Variants in NOL4L observed in about 807,000 individuals in gnomAD.
The protein encoded by NOL4L is nucleolar protein 4 like, also known as nucleolar protein 4-like.
Under a neutral mutation model 64.5 loss-of-function variants are expected in NOL4L, and 7 were observed. That is an observed-to-expected ratio of 0.11 (90% confidence interval 0.06 to 0.20). NOL4L has a LOEUF of 0.20. Among genes scored for constraint, NOL4L ranks in the 10% least tolerant of loss-of-function variants. NOL4L has a pLI of 1.00. For missense variants in NOL4L, 680 were observed against 967.1 expected (o/e 0.70, Z 3.94); for synonymous variants, 413 against 401.0 (o/e 1.03, Z -0.36).
In NOL4L at chr20:32,452,909, C is replaced by T. The variant is rs1460119422; in HGVS notation, c.1595G>A (p.Arg532His). 5.6e-6 allele frequency: 9 copies of T among 1,613,918 alleles called. No individual in the cohort carries two copies. Among genetic ancestry groups the T allele is most frequent in the Admixed American group, 1.7e-5 (1 of 60,002 alleles). Residue 532 changes from arginine (R) to histidine (H), a missense_variant, in exon 9 of 11, where the codon CGT becomes CAT. By Grantham distance (29) the Arg-to-His change is conservative. Coordinates refer to ENST00000621426, the MANE Select transcript of NOL4L (RefSeq NM_001256798.2). Reference sequence around the variant, plus strand: ...CTGTGAGGACTGGTAGATCTCTAGACGCATCCGCTTGGCTGCCTTTCTTGT... The same window carrying T: ...CTGTGAGGACTGGTAGATCTCTAGATGCATCCGCTTGGCTGCCTTTCTTGT... ...SETRKAAKRM[R>H]LEIYQSSQDE...
intron 4 of NOL4L, among the ~76,000 whole-genome samples, chr20:32,488,821 CTTTCTTTTTCTTTCTTTCTTTCTTTCTTT>C (rs2016286372): frequency 3.2e-5 from 1 of 31,128 alleles, no homozygotes; most frequent in Non-Finnish European, 5.6e-5. Flanking sequence ...TTCTTTCTTT[CTTTCTTTTTCTTTCTTTCTTTCTTTCTTT>C]CTTTCTTTCT....
At chr20:32,523,594 T>A (rs1213996888) in intron 2 of NOL4L, among the ~76,000 whole-genome samples, 5 of 152,174 alleles carry the variant, frequency 3.3e-5, no homozygotes, top group Non-Finnish European at 7.3e-5. Flanking sequence ...GTTTTAGATT[T>A]AAGCTGCAGA....
At chr20:32,567,651 C>T (rs533134172) in intron 1 of NOL4L, among the ~76,000 whole-genome samples, 6 of 152,340 alleles carry the variant, frequency 3.9e-5, no homozygotes, top group African/African-American at 1.2e-4. Context: ...GAGCGCACAT[C>T]TGGGTGCTGC....
intron 1 of NOL4L, among the ~76,000 whole-genome samples, chr20:32,575,150 C>T (rs750433462): frequency 1.5e-4 from 23 of 152,172 alleles, no homozygotes; most frequent in Non-Finnish European, 2.9e-4. Flanking sequence ...GCTCCCTCCA[C>T]GTGAGAACCC....
chr20:32,485,097 A>AAAAAAAAAAAAAAAAAAC, intron 4 of NOL4L, among the ~76,000 whole-genome samples: 1 of 149,996 alleles, frequency 6.7e-6, no homozygotes, highest in Non-Finnish European at 1.5e-5. Flanking sequence ...ACAACTAAAA[A>AAAAAAAAAAAAAAAAAAC]AAAACCCTGA....
intron 1 of NOL4L, among the ~76,000 whole-genome samples, chr20:32,550,872 G>A (rs1389194281): frequency 2.0e-5 from 3 of 149,762 alleles, no homozygotes; most frequent in African/African-American, 7.4e-5. Context: ...GACAGGGTGA[G>A]ACTCCATCTC....
intron 4 of NOL4L, among the ~76,000 whole-genome samples, chr20:32,484,439 A>C (rs1399775344): frequency 6.9e-6 from 1 of 144,228 alleles, no homozygotes; most frequent in Non-Finnish European, 1.5e-5. Context: ...CTCGCTCTTC[A>C]CTCTTCCTTT....
chr20:32,473,538 C>T (rs995379225), intron 5 of NOL4L, among the ~76,000 whole-genome samples: 1 of 152,212 alleles, frequency 6.6e-6, no homozygotes, highest in South Asian at 2.1e-4. Flanking sequence ...AGCCCCTGGC[C>T]CAGACACCTC....
At chr20:32,513,760 G>A (rs2017517821) in intron 3 of NOL4L, among the ~76,000 whole-genome samples, 1 of 152,130 alleles carries the variant, frequency 6.6e-6, no homozygotes, top group African/African-American at 2.4e-5. Context: ...AGCTACTCGG[G>A]AGGCTGAGGT....
intron 1 of NOL4L, among the ~76,000 whole-genome samples, chr20:32,543,692 A>G (rs181426486): frequency 1.3e-5 from 2 of 152,066 alleles, no homozygotes; most frequent in Non-Finnish European, 2.9e-5. Context: ...TGGGAGGCTG[A>G]GGCACAATAA....
intron 4 of NOL4L, among the ~76,000 whole-genome samples, chr20:32,478,828 T>C (rs981826876): frequency 1.3e-5 from 2 of 152,210 alleles, no homozygotes; most frequent in Non-Finnish European, 2.9e-5. Flanking sequence ...TGGGCTCAAG[T>C]GCCTTGGCCT....
rs150489354 is a variant in NOL4L at position 32,453,712 on chromosome 20, C to T, written c.1169G>A (p.Ser390Asn). ...GSYDSIKTEV[S>N]GCPEDLTVGR... ...CACTGTCAGGTCCTCAGGGCAGCCG[C>T]TGACCTCGGTCTTGATGGAATCGTA... is the stretch of plus-strand genomic sequence containing the variant. The change falls in exon 7 of 11, where the codon AGC becomes AAC. Residue 390 changes from serine (S) to asparagine (N), a missense_variant. Around this residue, in one of 4 missense-constraint regions of NOL4L, gnomAD observed 254 missense variants for 238.7 expected, o/e 1.06. Transcript: ENST00000621426. This position sits in a 1 kb window ranked among gnomAD's most constrained non-coding sequence, Gnocchi z 5.6. 1.9e-5 allele frequency: 29 copies of T among 1,558,800 alleles called. No homozygotes were observed. In the African/African-American group the frequency reaches 3.8e-4, roughly 20 times the overall value.
At chr20:32,518,359 G>A (rs1201853893) in intron 3 of NOL4L, among the ~76,000 whole-genome samples, 1 of 152,226 alleles carries the variant, frequency 6.6e-6, no homozygotes, top group Non-Finnish European at 1.5e-5. Context: ...TCTCCTCCCT[G>A]GGGGTGGGGT....
At chr20:32,559,308 C>T (rs1978853543) in intron 1 of NOL4L, among the ~76,000 whole-genome samples, 1 of 152,206 alleles carries the variant, frequency 6.6e-6, no homozygotes, top group African/African-American at 2.4e-5. Flanking sequence ...TCTATCCCCA[C>T]ACCCCTGCCT....
rs147722058 is a variant in NOL4L, at chr20:32,463,494, C to T, written c.842-7099G>A. 0.023 allele frequency among the ~76,000 whole-genome samples: 3,555 copies of T among 152,290 alleles called. 59 individuals are homozygous for T. Among genetic ancestry groups the T allele is most frequent in the Non-Finnish European group, 0.033 (2,250 of 68,008 alleles). On this transcript the variant is annotated intron_variant, in intron 5 of 10. Coordinates refer to ENST00000621426, the MANE Select transcript of NOL4L (RefSeq NM_001256798.2). This position sits in a 1 kb window ranked among gnomAD's most constrained non-coding sequence, Gnocchi z 5.8. ...CAGCATTTCCACAAAACCAGGCCCTCCCCACTGTGGCAAAGGGCGACTCCT... is the reference window on the plus strand; with the variant it reads ...CAGCATTTCCACAAAACCAGGCCCTTCCCACTGTGGCAAAGGGCGACTCCT...
chr20:32,516,685 T>C lies in NOL4L; in HGVS notation c.589+4126A>G, dbSNP rs36012050. ...ATGAGGCAACAGCACACAGAGAAGC[T>C]ATGCAACCTTCCCACAGTCCCACAG... On this transcript the variant is annotated intron_variant, in intron 3 of 10. Coordinates refer to ENST00000621426, the MANE Select transcript of NOL4L (RefSeq NM_001256798.2). Among the ~76,000 whole-genome samples the C allele has an allele frequency of 8.0e-3, 1,215 of 152,202 alleles. 13 individuals carry two copies. The highest frequency in any genetic ancestry group is 0.013 in the Non-Finnish European group (867 of 68,008).
At chr20:32,477,600 T>G (rs533570565) in intron 4 of NOL4L, among the ~76,000 whole-genome samples, 2 of 152,356 alleles carry the variant, frequency 1.3e-5, no homozygotes, top group South Asian at 4.1e-4. Flanking sequence ...ATAGTGTTGG[T>G]GTTTAATGAG....
At chr20:32,509,946 GGAAA>G in intron 4 of NOL4L, 1 of 1,304,120 alleles carries the variant, frequency 7.7e-7, no homozygotes, top group South Asian at 1.2e-5. Context: ...GATGGCTACA[GGAAA>G]GAAAGGCCAC....
intron 2 of NOL4L, among the ~76,000 whole-genome samples, chr20:32,521,501 G>T (rs1480147164): frequency 6.6e-6 from 1 of 152,142 alleles, no homozygotes; most frequent in Non-Finnish European, 1.5e-5. Context: ...TTGGAGAGGT[G>T]AGCTGACTCC....
Sources: allele counts gnomAD v4.1 joint callset (sites outside exome capture counted in the v4.1 genomes callset), GRCh38; gene constraint gnomAD v4.1.1; regional missense constraint gnomAD v4.1.1; non-coding constraint Gnocchi (gnomAD v3.1); transcripts MANE v1.5; gene names NCBI Gene and HGNC (gene_info 2026-07-23, HGNC 2026-07-21).